The following DENND2A variants were observed in gnomAD, a reference collection of about 807,000 sequenced individuals.
DENND2A encodes the protein DENN domain containing 2A.
A neutral mutation model predicts 105.3 loss-of-function variants in DENND2A; 53 were observed. The ratio of observed to expected loss-of-function variants is 0.50; its 90% CI spans 0.40 to 0.63. The LOEUF is 0.63. Among genes scored for constraint, DENND2A ranks in the 30% least tolerant of loss-of-function variants. The pLI is 0.00. For synonymous variants in DENND2A, 522 were observed against 508.4 expected (o/e 1.03, Z -0.36); for missense variants, 1,138 against 1,279.6 (o/e 0.89, Z 1.69).
chr7:140,520,174 T>C (rs1049818603), intron 18 of DENND2A, among the ~76,000 whole-genome samples: 2 of 151,974 alleles, frequency 1.3e-5, no homozygotes, highest in African/African-American at 2.4e-5. Flanking sequence ...GGTGTGGTGG[T>C]GCACGCCTAT....
intron 1 of DENND2A, among the ~76,000 whole-genome samples, chr7:140,626,189 T>C (rs546184326): frequency 1.3e-5 from 2 of 152,246 alleles, no homozygotes; most frequent in South Asian, 2.1e-4. Flanking sequence ...ATTAGGAACT[T>C]GGGAAATAGT....
At chr7:140,616,122 T>C (rs1323159635) in intron 1 of DENND2A, among the ~76,000 whole-genome samples, 1 of 151,946 alleles carries the variant, frequency 6.6e-6, no homozygotes, top group East Asian at 1.9e-4. Flanking sequence ...ATCCCAGCAC[T>C]TTGGGAGGAT....
intron 11 of DENND2A, among the ~76,000 whole-genome samples, chr7:140,557,531 ATTTTTTTTT>A (rs1156756617): frequency 1.3e-3 from 50 of 39,632 alleles, no homozygotes; most frequent in Middle Eastern, 0.021. Context: ...ATATATATAT[ATTTTTTTTT>A]TTTTTTTTTT....
chr7:140,602,962 C>T (rs1475517718), intron 2 of DENND2A, among the ~76,000 whole-genome samples: 1 of 151,894 alleles, frequency 6.6e-6, no homozygotes, highest in African/African-American at 2.4e-5. Flanking sequence ...TCCTCTAAAC[C>T]TCAGTTTCCA....
In DENND2A at chr7:140,523,405, A is replaced by G. The variant is rs1439572729; in HGVS notation, c.2567T>C (p.Ile856Thr). 6.2e-7 allele frequency: 1 copy of G among 1,614,128 alleles called. No homozygotes were observed. Among genetic ancestry groups the G allele is most frequent in the South Asian group, 1.1e-5 (1 of 91,074 alleles). The part of the protein sequence containing the change: ...FLRQMDDEDS[I>T]LPRKLQVALE... The stretch of plus-strand genomic sequence containing the variant: ...GGCCACCTGAAGCTTCCGGGGCAGG[A>G]TGGAGTCCTCATCGTCCATCTGGAA... Residue 856 changes from isoleucine to threonine, a missense_variant, in exon 17 of 20, where the codon ATC becomes ACC. Transcript: ENST00000496613. The surrounding 1 kb of genome is among the most constrained non-coding windows in gnomAD (Gnocchi z 4.5).
At chr7:140,571,704 C>T (rs1450172082) in intron 6 of DENND2A, among the ~76,000 whole-genome samples, 1 of 152,058 alleles carries the variant, frequency 6.6e-6, no homozygotes, top group African/African-American at 2.4e-5. Context: ...CGATGGAATA[C>T]CATTTAGTCT....
intron 1 of DENND2A, among the ~76,000 whole-genome samples, chr7:140,632,116 G>T (rs971648845): frequency 2.0e-5 from 3 of 152,096 alleles, no homozygotes; most frequent in Non-Finnish European, 4.4e-5. Context: ...CATCTGGGGA[G>T]GTTTAGCCTA....
intron 3 of DENND2A, among the ~76,000 whole-genome samples, chr7:140,594,947 C>CT (rs891855894): frequency 2.0e-5 from 3 of 152,106 alleles, no homozygotes; most frequent in Non-Finnish European, 4.4e-5. Flanking sequence ...ATCTCTTGAC[C>CT]TTGTCATCCG....
Position 140,527,218 on chromosome 7 carries a change from T to G in DENND2A, c.2505+100A>C. The G allele has an allele frequency of 1.5e-6, 2 of 1,328,744 alleles. No homozygotes were observed. Among genetic ancestry groups the G allele is most frequent in the Non-Finnish European group, 2.0e-6 (2 of 993,718 alleles). The allele number at this position is 1,328,744 out of a possible 1,614,324, so 82.3% of individuals were successfully genotyped here. On this transcript the variant is annotated intron_variant, in intron 15 of 19. Transcript: ENST00000496613. The surrounding 1 kb of genome is among the most constrained non-coding windows in gnomAD (Gnocchi z 4.9). ...GCCCCCACGCCCTGCTCCCCAACAC[T>G]GCTGGCTCTGAGAACCGCTCCATGA... is the stretch of plus-strand genomic sequence containing the variant.
At chr7:140,532,212 T>C (rs367709356) in intron 14 of DENND2A, among the ~76,000 whole-genome samples, 19 of 152,294 alleles carry the variant, frequency 1.2e-4, no homozygotes, top group East Asian at 9.7e-4. Context: ...GAAGTTGTTG[T>C]GAGTCAAGAT....
intron 5 of DENND2A, among the ~76,000 whole-genome samples, chr7:140,584,939 C>G (rs1423686886): frequency 2.0e-5 from 3 of 152,344 alleles, no homozygotes; most frequent in African/African-American, 7.2e-5. Flanking sequence ...TGGCTCATGC[C>G]TGTAATCCCA....
chr7:140,601,684 T>A lies in DENND2A; in HGVS notation c.714A>T (p.Ser238=). Residue 238 remains serine, a synonymous_variant, in exon 3 of 20, where the codon TCA becomes TCT. Transcript: ENST00000496613. ...TPELVEDRKG[S]CRRPWDRSLE... ...GGCTCCGGTCCCAGGGCCTTCTGCA[T>A]GAACCTTTCCTGTCCTCCACAAGCT... The A allele has an allele frequency of 6.2e-7, 1 of 1,613,980 alleles. No individual in the cohort carries two copies. The highest frequency in any genetic ancestry group is 8.5e-7 in the Non-Finnish European group (1 of 1,179,890).
In DENND2A at chr7:140,601,551, C is replaced by T. The variant is rs1799494199; in HGVS notation, c.847G>A (p.Gly283Arg). The change falls in exon 3 of 20, where the codon GGG (glycine) becomes AGG (arginine). Residue 283 changes from glycine to arginine, a missense_variant. Coordinates refer to ENST00000496613, the MANE Select transcript of DENND2A (RefSeq NM_015689.5). The stretch of plus-strand genomic sequence containing the variant: ...TTCCTGAAGCCGATGCCAGGCTTCC[C>T]ATCTTTGTCCCCTTCTCCGGCATGT... ...FKHAGEGDKDGKPGIGFRKEK... is the reference protein window; with the variant it reads ...FKHAGEGDKDRKPGIGFRKEK... The T allele has an allele frequency of 6.2e-7, 1 of 1,614,056 alleles. No homozygotes were observed. Among genetic ancestry groups the T allele is most frequent in the Non-Finnish European group, 8.5e-7 (1 of 1,180,030 alleles).
At chr7:140,562,493 C>A (rs1267282496) in intron 9 of DENND2A, among the ~76,000 whole-genome samples, 1 of 152,002 alleles carries the variant, frequency 6.6e-6, no homozygotes, top group African/African-American at 2.4e-5. Flanking sequence ...AACCCCGTCT[C>A]TACTAAAAAT....
chr7:140,608,262 A>AG (rs1222452395), intron 1 of DENND2A, among the ~76,000 whole-genome samples: 2 of 152,218 alleles, frequency 1.3e-5, no homozygotes, highest in Non-Finnish European at 2.9e-5. Context: ...GCTGGCACTG[A>AG]GGGGGCATAG....
At chr7:140,629,760 A>AGAGG (rs973834688) in intron 1 of DENND2A, among the ~76,000 whole-genome samples, 64 of 152,216 alleles carry the variant, frequency 4.2e-4, no homozygotes, top group African/African-American at 1.4e-3. Context: ...GAGACAGTGA[A>AGAGG]GAGGGAGAAG....
chr7:140,524,828 T>C (rs1421306753), intron 16 of DENND2A, among the ~76,000 whole-genome samples: 1 of 151,794 alleles, frequency 6.6e-6, no homozygotes, highest in East Asian at 1.9e-4. Flanking sequence ...GTGATCCTCC[T>C]GCCTCAGCCT....
chr7:140,577,267 T>G (rs1236653580), intron 5 of DENND2A, among the ~76,000 whole-genome samples: 1 of 151,742 alleles, frequency 6.6e-6, no homozygotes, highest in Non-Finnish European at 1.5e-5. Flanking sequence ...ATCAAAAGAG[T>G]CTTCAAGCCT....
In DENND2A at chr7:140,606,228, C is replaced by A. The variant is rs1013446970; in HGVS notation, c.-247-422G>T. Among the ~76,000 whole-genome samples the A allele has an allele frequency of 3.3e-5, 5 of 152,074 alleles. No homozygotes were observed. The South Asian group carries it at 1.0e-3, about 32-fold the overall frequency. On this transcript the variant is annotated intron_variant, in intron 1 of 19. Transcript: ENST00000496613. ...CTAATGTTTGTATTTTTAGTAGAGA[C>A]GGTTTTTCACCTTGTTGGCCAGGCT...
Sources: allele counts gnomAD v4.1 joint callset (sites outside exome capture counted in the v4.1 genomes callset), GRCh38; gene constraint gnomAD v4.1.1; non-coding constraint Gnocchi (gnomAD v3.1); transcripts MANE v1.5; gene names NCBI Gene and HGNC (gene_info 2026-07-23, HGNC 2026-07-21).